GOLIM4: variants seen among roughly 807,000 people sequenced by gnomAD.
The protein encoded by GOLIM4 is golgi integral membrane protein 4, also known as 130 kDa golgi-localized phosphoprotein.
A neutral mutation model predicts 107.4 loss-of-function variants in GOLIM4; 71 were observed. That is an observed-to-expected ratio of 0.66 (90% CI 0.55 to 0.81). The LOEUF (loss-of-function observed/expected upper bound fraction) is 0.81. Among genes scored for constraint, GOLIM4 ranks in the 30% least tolerant of loss-of-function variants. The pLI is 0.00. For synonymous variants in GOLIM4, 327 were observed against 294.8 expected (o/e 1.11, Z -1.12); for missense variants, 830 against 826.1 (o/e 1.00, Z -0.06).
intron 1 of GOLIM4, among the ~76,000 whole-genome samples, chr3:168,074,291 TTA>T: frequency 1.3e-5 from 2 of 152,300 alleles, no homozygotes; most frequent in South Asian, 4.1e-4. Context: ...TATGAAGTGT[TTA>T]TGTTTGTTGA....
chr3:168,088,610 T>A (rs1372797371), intron 1 of GOLIM4, among the ~76,000 whole-genome samples: 1 of 152,194 alleles, frequency 6.6e-6, no homozygotes, highest in East Asian at 1.9e-4. Flanking sequence ...CCAGTCACCA[T>A]TTCCTGCTGC....
chr3:168,073,761 T>C (rs1441029928), intron 1 of GOLIM4, among the ~76,000 whole-genome samples: 2 of 152,232 alleles, frequency 1.3e-5, no homozygotes, highest in African/African-American at 4.8e-5. Flanking sequence ...GAGGTATAAC[T>C]TCTATAGATT....
intron 8 of GOLIM4, among the ~76,000 whole-genome samples, chr3:168,035,365 T>C (rs1577523155): frequency 6.6e-6 from 1 of 152,216 alleles, no homozygotes; most frequent in Non-Finnish European, 1.5e-5. Context: ...TGCAACACTA[T>C]TCACAATAGC....
chr3:168,043,483 TC>T lies in GOLIM4; in HGVS notation c.412del (p.Glu138AsnfsTer34). On this transcript the variant is annotated frameshift_variant, in exon 5 of 16. Coordinates refer to ENST00000470487, the MANE Select transcript of GOLIM4 (RefSeq NM_014498.5). LOFTEE classifies it high-confidence loss of function. Reference protein sequence around the residue: ...LKKQHSDLEEEHRKQGEDFSR... With the variant: ...LKKQHSDLEEXHRKQGEDFSR... ...GAAGTCTTCCCCTTGTTTGCGATGT[TC>T]CTCTTCCAAGTCACTGTGCTGTTTC... The T allele has an allele frequency of 6.2e-7, 1 of 1,613,656 alleles. No homozygotes were observed. Among genetic ancestry groups the T allele is most frequent in the Non-Finnish European group, 8.5e-7 (1 of 1,179,738 alleles).
At chr3:168,086,342 A>G (rs1721620958) in intron 1 of GOLIM4, among the ~76,000 whole-genome samples, 1 of 152,156 alleles carries the variant, frequency 6.6e-6, no homozygotes, top group African/African-American at 2.4e-5. Context: ...ATTTGACAGC[A>G]TCATAGCTAT....
chr3:168,023,746 A>T (rs1298393741), intron 14 of GOLIM4, among the ~76,000 whole-genome samples: 1 of 152,234 alleles, frequency 6.6e-6, no homozygotes, highest in Non-Finnish European at 1.5e-5. Context: ...CCTAATTTGT[A>T]TCAGACTCTT....
chr3:168,013,435 A>G (rs1331402480), intron 14 of GOLIM4, among the ~76,000 whole-genome samples: 1 of 151,656 alleles, frequency 6.6e-6, no homozygotes, highest in African/African-American at 2.4e-5. Context: ...CCACGCATTA[A>G]TAATGGGAGA....
At chr3:168,065,499 T>G (rs1351716932) in intron 1 of GOLIM4, among the ~76,000 whole-genome samples, 1 of 152,226 alleles carries the variant, frequency 6.6e-6, no homozygotes, top group Non-Finnish European at 1.5e-5. Flanking sequence ...TTTTTCTGTA[T>G]GTATGACTGT....
intron 14 of GOLIM4, among the ~76,000 whole-genome samples, chr3:168,020,537 C>T (rs1717620722): frequency 6.6e-6 from 1 of 152,182 alleles, no homozygotes; most frequent in Non-Finnish European, 1.5e-5. Context: ...GATCCTTATT[C>T]ACAGCAAAGA....
chr3:168,017,253 T>C (rs1717425169), intron 14 of GOLIM4, among the ~76,000 whole-genome samples: 1 of 152,026 alleles, frequency 6.6e-6, no homozygotes, highest in Admixed American at 6.5e-5. Context: ...TTTGTGGGAC[T>C]GAGGCAAGAG....
chr3:168,041,231 TGCTGAAGTG>T, intron 6 of GOLIM4, 152 bp downstream of exon 6: 1 of 559,490 alleles, frequency 1.8e-6, no homozygotes, highest in Non-Finnish European at 3.2e-6. Flanking sequence ...TAGCTTACAA[TGCTGAAGTG>T]GTAAAAATAT....
At position 168,025,023 on chromosome 3, in the gene GOLIM4, C is replaced by T. The variant is rs546884426; in HGVS notation, c.1696G>A (p.Glu566Lys). 4.3e-5 allele frequency: 70 copies of T among 1,613,826 alleles called. 1 individual carries two copies. The highest frequency in any genetic ancestry group is 3.3e-4 in the East Asian group (15 of 44,874). The change falls in exon 13 of 16, where the codon GAG becomes AAG. Residue 566 changes from glutamate (E) to lysine (K), a missense_variant. Coordinates refer to ENST00000470487, the MANE Select transcript of GOLIM4 (RefSeq NM_014498.5). Reference sequence around the variant, plus strand: ...GGCAAATTTTCTTCTCTCACTTGCTCGGCTTCTTCAAATTCATCCTCACCT... The same window carrying T: ...GGCAAATTTTCTTCTCTCACTTGCTTGGCTTCTTCAAATTCATCCTCACCT... ...NQGEDEFEEA[E>K]QVREENLPDE... is the part of the protein sequence containing the mutation.
chr3:168,050,840 A>T (rs1366831381), intron 1 of GOLIM4, among the ~76,000 whole-genome samples: 1 of 104,498 alleles, frequency 9.6e-6, no homozygotes, highest in South Asian at 2.9e-4. Flanking sequence ...TAATAATAAT[A>T]ATAATAATAA....
chr3:168,068,837 A>ATTTTTTTTTTTTTTTTTTTT (rs200437702), intron 1 of GOLIM4, among the ~76,000 whole-genome samples: 1 of 146,138 alleles, frequency 6.8e-6, no homozygotes, highest in Admixed American at 6.9e-5. Flanking sequence ...ATTTTATTTT[A>ATTTTTTTTTTTTTTTTTTTT]TTTTTTTTTT....
chr3:168,016,041 G>C (rs1187831119), intron 14 of GOLIM4, among the ~76,000 whole-genome samples: 2 of 134,050 alleles, frequency 1.5e-5, no homozygotes, highest in Non-Finnish European at 1.5e-5. Context: ...ATTGACAAAT[G>C]GGATCTAATT....
At chr3:168,083,740 A>T (rs1721485253) in intron 1 of GOLIM4, among the ~76,000 whole-genome samples, 1 of 152,222 alleles carries the variant, frequency 6.6e-6, no homozygotes, top group East Asian at 1.9e-4. Flanking sequence ...TGATGTTGCC[A>T]ACAATGACAA....
At chr3:168,046,833 C>T in intron 3 of GOLIM4, 117 bp downstream of exon 3, 4 of 512,732 alleles carry the variant, frequency 7.8e-6, no homozygotes, top group Non-Finnish European at 3.4e-6. Flanking sequence ...GGTGTCAGTC[C>T]TATAATCCCA....
rs770398760 is a variant in GOLIM4 at position 168,041,377 on chromosome 3, T to C, written c.600+15A>G. The C allele has an allele frequency of 4.7e-6, 7 of 1,478,192 alleles. No homozygotes were observed. Among genetic ancestry groups the C allele is most frequent in the Non-Finnish European group, 6.6e-6 (7 of 1,058,170 alleles). The allele number at this position is 1,478,192 out of a possible 1,614,324, so 91.6% of individuals were successfully genotyped here. A position where few individuals can be genotyped will look rare whatever the true frequency, so the allele number is the denominator to read the frequency against. ...AGGCAAACACTAAATAGTGAAACGT[T>C]TGGTTTTCTTTTACCTTGACATCTT... is the stretch of plus-strand genomic sequence containing the variant. On this transcript the variant is annotated intron_variant, in intron 6 of 15. Transcript: ENST00000470487.
rs565205368 is a variant in GOLIM4, at chr3:168,081,344, G to C, written c.187+13755C>G. 1.7e-3 allele frequency among the ~76,000 whole-genome samples: 264 copies of C among 152,304 alleles called. 1 individual carries two copies. Among genetic ancestry groups the C allele is most frequent in the Non-Finnish European group, 3.1e-3 (209 of 68,018 alleles). ...ACTGACAGCGGAAAGCTGCAGAGGT[G>C]AAGCAGAAATTAGTAGCATGAGCAG... On this transcript the variant is annotated intron_variant, in intron 1 of 15. Transcript: ENST00000470487.
Sources: gnomAD v4.1 joint callset for allele counts (sites outside exome capture counted in the v4.1 genomes callset) on GRCh38, gnomAD v4.1.1 for gene constraint, MANE v1.5 for transcripts, NCBI Gene and HGNC (gene_info 2026-07-23, HGNC 2026-07-21) for gene names.